The following LDAH variants were observed in gnomAD, a reference collection of about 807,000 sequenced individuals.
LDAH encodes lipid droplet associated hydrolase, also known as lipid droplet-associated hydrolase.
In LDAH, 26 loss-of-function variants were observed where a neutral mutation model predicts 29.6. The observed-to-expected ratio is 0.88, with a 90% CI of 0.64 to 1.22. LDAH has a LOEUF of 1.22. Among genes scored for constraint, LDAH ranks in the 50% most tolerant of loss-of-function variants. The pLI is 0.00. For synonymous variants in LDAH, 117 were observed against 133.0 expected, an observed-to-expected ratio of 0.88 and a Z score of 0.83; for missense variants, 344 against 387.3, an observed-to-expected ratio of 0.89 and a Z score of 0.94.
At chr2:20,787,082 C>A (rs1670605423) in intron 3 of LDAH, among the ~76,000 whole-genome samples, 2 of 152,172 alleles carry the variant, frequency 1.3e-5, no homozygotes, top group Non-Finnish European at 1.5e-5. Context: ...TTAAAATAGT[C>A]TGTACTTTAC....
intron 6 of LDAH, among the ~76,000 whole-genome samples, chr2:20,692,590 A>G (rs1302173370): frequency 6.6e-6 from 1 of 152,226 alleles, no homozygotes; most frequent in African/African-American, 2.4e-5. Context: ...TTGCATCTCT[A>G]TATATTTTTG....
chr2:20,822,231 TCTC>T (rs1412872688), intron 1 of LDAH, among the ~76,000 whole-genome samples: 2 of 152,050 alleles, frequency 1.3e-5, no homozygotes, highest in African/African-American at 2.4e-5. Flanking sequence ...TTCACGCCAT[TCTC>T]CTGCTTCAGT....
chr2:20,802,058 C>G (rs1022766300), intron 1 of LDAH, among the ~76,000 whole-genome samples: 1 of 151,228 alleles, frequency 6.6e-6, no homozygotes, highest in Non-Finnish European at 1.5e-5. Context: ...TATCTATATA[C>G]ACACACAATA....
chr2:20,731,347 C>G (rs568956598), intron 5 of LDAH, among the ~76,000 whole-genome samples: 4 of 152,136 alleles, frequency 2.6e-5, no homozygotes, highest in Non-Finnish European at 5.9e-5. Context: ...GGCACCTCTC[C>G]CACTTGTCTT....
At chr2:20,701,723 G>A in intron 5 of LDAH, 71 bp from the exon 6 acceptor site, 1 of 1,347,246 alleles carries the variant, frequency 7.4e-7, no homozygotes, top group Non-Finnish European at 1.1e-6. Flanking sequence ...ATTAATTTTA[G>A]TAAATTCATG....
intron 4 of LDAH, 67 bp from the exon 5 acceptor site, chr2:20,740,272 T>G: frequency 9.7e-7 from 1 of 1,026,316 alleles, no homozygotes; most frequent in Non-Finnish European, 1.5e-6. Context: ...TTATTGTCTC[T>G]TCTATATAGT....
rs1224997143 is a variant in LDAH, at chr2:20,686,733, T to C, written c.*170A>G. On this transcript the variant is annotated 3_prime_UTR_variant, in exon 7 of 7. Transcript: ENST00000237822. ...TAAACCTATGGAATGATTCATCAAC[T>C]GTGTTTACTTCAGCCTATAACATGG... 9 of 571,582 alleles carry C rather than the reference T, an allele frequency of 1.6e-5. No individual in the cohort carries two copies. The African/African-American group carries it at 1.7e-4, about 11-fold the overall frequency. 35.4% of individuals were successfully genotyped at this position (571,582 alleles called of 1,614,324 possible). A position where few individuals can be genotyped will look rare whatever the true frequency, so the allele number is the denominator to read the frequency against.
intron 4 of LDAH, among the ~76,000 whole-genome samples, chr2:20,756,748 C>T (rs1401621386): frequency 1.3e-5 from 2 of 151,798 alleles, no homozygotes; most frequent in Non-Finnish European, 2.9e-5. Context: ...GTATAACACA[C>T]AAATAATGAG....
chr2:20,804,010 T>C (rs528898521), intron 1 of LDAH, among the ~76,000 whole-genome samples: 1 of 152,314 alleles, frequency 6.6e-6, no homozygotes, highest in African/African-American at 2.4e-5. Flanking sequence ...ATTTGTTACA[T>C]GAAGCCTTCC....
At chr2:20,752,996 AAC>A (rs1668075286) in intron 4 of LDAH, among the ~76,000 whole-genome samples, 1 of 152,166 alleles carries the variant, frequency 6.6e-6, no homozygotes, top group Admixed American at 6.5e-5. Flanking sequence ...CAACAACAAC[AAC>A]AGCAACAACA....
At chr2:20,781,759 T>G (rs1294799833) in intron 3 of LDAH, among the ~76,000 whole-genome samples, 1 of 152,188 alleles carries the variant, frequency 6.6e-6, no homozygotes, top group African/African-American at 2.4e-5. Flanking sequence ...AATAACCTAG[T>G]AGGTTGTCAA....
intron 5 of LDAH, among the ~76,000 whole-genome samples, chr2:20,717,052 T>C (rs1433212356): frequency 6.6e-6 from 1 of 152,170 alleles, no homozygotes; most frequent in East Asian, 1.9e-4. Flanking sequence ...GATAGTCCTA[T>C]GGAGAAGAAA....
intron 3 of LDAH, among the ~76,000 whole-genome samples, chr2:20,787,930 A>G (rs1173040067): frequency 6.6e-6 from 1 of 152,186 alleles, no homozygotes; most frequent in African/African-American, 2.4e-5. Flanking sequence ...GCTATTACAC[A>G]AAGTATTATT....
intron 6 of LDAH, among the ~76,000 whole-genome samples, chr2:20,690,201 C>T (rs377369265): frequency 1.3e-4 from 20 of 151,990 alleles, no homozygotes; most frequent in African/African-American, 4.4e-4. Flanking sequence ...TTAAGGGACC[C>T]GACACCCACC....
At chr2:20,813,689 G>A (rs573306606) in intron 1 of LDAH, among the ~76,000 whole-genome samples, 3 of 152,180 alleles carry the variant, frequency 2.0e-5, no homozygotes, top group Non-Finnish European at 4.4e-5. Flanking sequence ...TTCTTTTAGC[G>A]ATGTAGAATG....
At chr2:20,754,300 C>A (rs1446241448) in intron 4 of LDAH, among the ~76,000 whole-genome samples, 3 of 151,676 alleles carry the variant, frequency 2.0e-5, no homozygotes, top group African/African-American at 4.8e-5. Context: ...CCAGCCTGGG[C>A]AACACGGTGA....
chr2:20,712,023 G>C (rs1184608980), intron 5 of LDAH, among the ~76,000 whole-genome samples: 5 of 152,242 alleles, frequency 3.3e-5, no homozygotes, highest in Non-Finnish European at 7.3e-5. Flanking sequence ...CAGCTCTGAA[G>C]ACAGCAGTGG....
At chr2:20,715,544 G>A (rs893465256) in intron 5 of LDAH, among the ~76,000 whole-genome samples, 1 of 152,184 alleles carries the variant, frequency 6.6e-6, no homozygotes. Context: ...AATCAGGCAG[G>A]AGAAAGAAAT....
intron 4 of LDAH, among the ~76,000 whole-genome samples, chr2:20,744,928 C>T (rs1343959669): frequency 1.3e-5 from 2 of 152,060 alleles, no homozygotes; most frequent in Non-Finnish European, 1.5e-5. Context: ...TAACTTGTGG[C>T]TCTCGGTATT....
Sources: allele counts gnomAD v4.1 joint callset (sites outside exome capture counted in the v4.1 genomes callset), GRCh38; gene constraint gnomAD v4.1.1; transcripts MANE v1.5; gene names NCBI Gene and HGNC (gene_info 2026-07-23, HGNC 2026-07-21).